The following CFAP46 variants were observed in gnomAD, a reference collection of about 807,000 sequenced individuals.
The protein encoded by CFAP46 is cilia- and flagella-associated protein 46.
CFAP46 carries 245 observed loss-of-function variants against 325.7 expected under a neutral mutation model. The ratio of observed to expected loss-of-function variants is 0.75; its 90% CI spans 0.68 to 0.84. The LOEUF is 0.84. CFAP46 is among the 40% of genes least tolerant of loss of function. CFAP46 has a pLI of 0.00. For missense variants in CFAP46, 3,346 were observed against 3,543.0 expected (o/e 0.94, Z 1.41); for synonymous variants, 1,523 against 1,495.9 (o/e 1.02, Z -0.42).
At chr10:132,844,776 A>ACC (rs1268166956) in intron 44 of CFAP46, among the ~76,000 whole-genome samples, 2 of 152,110 alleles carry the variant, frequency 1.3e-5, no homozygotes, top group African/African-American at 4.8e-5. Context: ...TGCCCAGCTC[A>ACC]CCCACAGCAG....
intron 19 of CFAP46, among the ~76,000 whole-genome samples, chr10:132,912,297 TC>T (rs573086087): frequency 0.37 from 35,870 of 97,876 alleles, 7,971 homozygotes; most frequent in Admixed American, 0.5. Flanking sequence ...CCTCTCTCTC[TC>T]CTCTCTTTCT....
At position 132,808,664 on chromosome 10, in the gene CFAP46, G is replaced by GGGGA. The variant is rs1430738600; in HGVS notation, c.7901_7904dup (p.Phe2636ProfsTer?). Reference sequence around the variant, plus strand: ...CAAGGGCTGGGGAGAGGCCCAGGAAGGGGAGAGCGAGCTGGGAGCTGGGGA... The same window carrying GGGGA: ...CAAGGGCTGGGGAGAGGCCCAGGAAGGGGAGGGAGAGCGAGCTGGGAGCTGGGGA... On this transcript the variant is annotated frameshift_variant, in exon 58 of 58. Coordinates refer to ENST00000368586, the MANE Select transcript of CFAP46 (RefSeq NM_001200049.3). LOFTEE classifies it low-confidence loss of function (END_TRUNC). The surrounding 1 kb of genome is among the most constrained non-coding windows in gnomAD (Gnocchi z 6.8). The GGGGA allele has an allele frequency of 1.3e-6, 2 of 1,588,982 alleles. No individual in the cohort carries two copies.
rs1419527167 is a variant in CFAP46 at position 132,822,649 on chromosome 10, G to C, written c.7118-7735C>G. 4.4e-5 allele frequency among the ~76,000 whole-genome samples: 6 copies of C among 135,636 alleles called. No homozygotes were observed. In the Admixed American group the frequency reaches 4.4e-4, roughly 10 times the overall value. The allele number at this position is 135,636 out of a possible 152,430, so 89.0% of individuals were successfully genotyped here. A position where few individuals can be genotyped will look rare whatever the true frequency, so the allele number is the denominator to read the frequency against. On this transcript the variant is annotated intron_variant, in intron 50 of 57. Transcript: ENST00000368586. Reference sequence around the variant, plus strand: ...TGCTGATGTGTGCTGTCTGTGCGCTGATGTGTGCTGTGTGTGCGCTTGTGT... The same window carrying C: ...TGCTGATGTGTGCTGTCTGTGCGCTCATGTGTGCTGTGTGTGCGCTTGTGT...
rs1848539462 is a variant in CFAP46 at position 132,851,285 on chromosome 10, G to A, written c.5595C>T (p.Pro1865=). The A allele has an allele frequency of 1.2e-6, 2 of 1,613,760 alleles. No homozygotes were observed. The highest frequency in any genetic ancestry group is 1.3e-5 in the African/African-American group (1 of 74,930). The change falls in exon 40 of 58, where the codon CCC becomes CCT. Residue 1865 remains proline, a synonymous_variant. Transcript: ENST00000368586. ...TGAGGCGCGCCAGCTTCCTCATCAGGGGCGTGTTGACGTTCTGCAACTGAG... is the reference window on the plus strand; with the variant it reads ...TGAGGCGCGCCAGCTTCCTCATCAGAGGCGTGTTGACGTTCTGCAACTGAG... ...SLQDLQNVNT[P]LMRKLARLKL...
chr10:132,929,646 T>A, intron 9 of CFAP46, 59 bp downstream of exon 9: 1 of 1,504,486 alleles, frequency 6.6e-7, no homozygotes. Context: ...TTGCCTTTTG[T>A]CCAACTGCAC....
chr10:132,862,202 G>A (rs1181934923), intron 35 of CFAP46, among the ~76,000 whole-genome samples: 1 of 152,202 alleles, frequency 6.6e-6, no homozygotes, highest in Non-Finnish European at 1.5e-5. Context: ...GCAGGGGGCT[G>A]CAGGCCTCTG....
At chr10:132,870,464 A>G (rs1358344502) in intron 32 of CFAP46, among the ~76,000 whole-genome samples, 1 of 152,188 alleles carries the variant, frequency 6.6e-6, no homozygotes, top group East Asian at 1.9e-4. Context: ...CAGTTAACCA[A>G]GCTGTAAGTG....
chr10:132,895,258 A>C (rs1444277725), intron 24 of CFAP46, among the ~76,000 whole-genome samples: 1 of 152,220 alleles, frequency 6.6e-6, no homozygotes, highest in Non-Finnish European at 1.5e-5. Context: ...GGCAAGACCC[A>C]CACTATTTCA....
chr10:132,817,567 A>T lies in CFAP46; in HGVS notation c.7118-2653T>A, dbSNP rs975045625. Reference sequence around the variant, plus strand: ...GGTAACCGGCCCCTTCGTCTTCCTCATTCATTCTTCCTTCTCTATTTGTTG... The same window carrying T: ...GGTAACCGGCCCCTTCGTCTTCCTCTTTCATTCTTCCTTCTCTATTTGTTG... On this transcript the variant is annotated intron_variant, in intron 50 of 57. Coordinates refer to ENST00000368586, the MANE Select transcript of CFAP46 (RefSeq NM_001200049.3). This position sits in a 1 kb window ranked among gnomAD's most constrained non-coding sequence, Gnocchi z 4.4. Among the ~76,000 whole-genome samples, 1 of 152,010 alleles carries T rather than the reference A, an allele frequency of 6.6e-6. No homozygotes were observed. Among genetic ancestry groups the T allele is most frequent in the African/African-American group, 2.4e-5 (1 of 41,370 alleles).
At chr10:132,893,486 G>A (rs1362818054) in intron 24 of CFAP46, among the ~76,000 whole-genome samples, 1 of 152,212 alleles carries the variant, frequency 6.6e-6, no homozygotes, top group South Asian at 2.1e-4. Flanking sequence ...GGTGGGAAGT[G>A]CACTGGCAGG....
chr10:132,865,961 C>T (rs73393224), intron 35 of CFAP46, 64 bp downstream of exon 35: 34,650 of 1,347,628 alleles, frequency 0.026, 1,292 homozygotes, highest in African/African-American at 0.17. Context: ...CCCGCAGTCC[C>T]TCCACTGTGC....
chr10:132,920,006 G>A (rs1849697200), intron 14 of CFAP46, 53 bp downstream of exon 14: 4 of 1,450,872 alleles, frequency 2.8e-6, no homozygotes, highest in Non-Finnish European at 3.6e-6. Flanking sequence ...CCCTCGGGCT[G>A]AGCGACCCCC....
rs73391257 is a variant in CFAP46 at position 132,847,516 on chromosome 10, G to A, written c.5953-195C>T. On this transcript the variant is annotated intron_variant, in intron 41 of 57. Coordinates refer to ENST00000368586, the MANE Select transcript of CFAP46 (RefSeq NM_001200049.3). The surrounding 1 kb of genome is among the most constrained non-coding windows in gnomAD (Gnocchi z 5.2). ...AGTTGATGCAGGGTGGCCCTGACCC[G>A]TGAGCCTGGGCAAGGGGACGCTGGA... Among the ~76,000 whole-genome samples, 10,521 of 152,088 alleles carry A rather than the reference G, an allele frequency of 0.069. 908 individuals are homozygous for A. Among genetic ancestry groups the A allele is most frequent in the African/African-American group, 0.2 (8,357 of 41,438 alleles).
At position 132,820,796 on chromosome 10, in the gene CFAP46, A is replaced by G. The variant is rs11146532; in HGVS notation, c.7118-5882T>C. 7.7e-3 allele frequency among the ~76,000 whole-genome samples: 808 copies of G among 104,400 alleles called. 20 individuals are homozygous for G. The highest frequency in any genetic ancestry group is 0.029 in the African/African-American group (704 of 24,574). 68.5% of individuals were successfully genotyped at this position (104,400 alleles called of 152,430 possible). A position where few individuals can be genotyped will look rare whatever the true frequency, so the allele number is the denominator to read the frequency against. On this transcript the variant is annotated intron_variant, in intron 50 of 57. Coordinates refer to ENST00000368586, the MANE Select transcript of CFAP46 (RefSeq NM_001200049.3). ...GTGCGCTGATGCGTGCTGTGTGAGCACTGATGTGTGCTGTGTGTGCTGATG... is the reference window on the plus strand; with the variant it reads ...GTGCGCTGATGCGTGCTGTGTGAGCGCTGATGTGTGCTGTGTGTGCTGATG...
Position 132,869,254 on chromosome 10 carries a change from C to A in CFAP46, c.4610+20G>T. 1.3e-6 allele frequency: 2 copies of A among 1,504,670 alleles called. No individual in the cohort carries two copies. Among genetic ancestry groups the A allele is most frequent in the Non-Finnish European group, 1.8e-6 (2 of 1,121,650 alleles). 93.2% of individuals were successfully genotyped at this position (1,504,670 alleles called of 1,614,324 possible). On this transcript the variant is annotated intron_variant, in intron 33 of 57. Coordinates refer to ENST00000368586, the MANE Select transcript of CFAP46 (RefSeq NM_001200049.3). The surrounding 1 kb of genome is among the most constrained non-coding windows in gnomAD (Gnocchi z 6.2). ...GGCGAGACTCAAACCCCAGGCGGCG[C>A]AGGGTGGGACGGCACACACCTGGCC...
Position 132,836,183 on chromosome 10 carries a change from T to C in CFAP46, c.6572A>G (p.Lys2191Arg), listed in dbSNP as rs1421576994. The C allele has an allele frequency of 1.2e-6, 2 of 1,609,606 alleles. No individual in the cohort carries two copies. Among genetic ancestry groups the C allele is most frequent in the South Asian group, 2.2e-5 (2 of 90,790 alleles). The change falls in exon 46 of 58, where the codon AAG becomes AGG. Residue 2191 changes from lysine to arginine, a missense_variant. Physicochemically the swap from Lys to Arg is conservative, Grantham distance 26. Coordinates refer to ENST00000368586, the MANE Select transcript of CFAP46 (RefSeq NM_001200049.3). ...CTTTCCTTTGGCTGCAGTAATGAAC[T>C]TGGGTTTCTCGTAGGCAGCGCCGTA... ...RLYGAAYEKP[K>R]FITAAKGKVQ...
At chr10:132,861,381 C>CG (rs1377487247) in intron 35 of CFAP46, among the ~76,000 whole-genome samples, 3 of 152,232 alleles carry the variant, frequency 2.0e-5, no homozygotes, top group Non-Finnish European at 2.9e-5. Flanking sequence ...GGCTGGTCTT[C>CG]GGGGGGATTT....
intron 50 of CFAP46, among the ~76,000 whole-genome samples, chr10:132,826,439 C>T (rs5027155): frequency 2.6e-4 from 17 of 66,576 alleles, no homozygotes; most frequent in African/African-American, 2.4e-4. Flanking sequence ...AGACCAGCCA[C>T]GGAGCCAGGC....
intron 33 of CFAP46, among the ~76,000 whole-genome samples, chr10:132,868,165 C>T (rs767905919): frequency 2.6e-5 from 4 of 152,260 alleles, no homozygotes; most frequent in South Asian, 2.1e-4. Context: ...CGGCCACGCG[C>T]GTTCCAAGTC....
Sources: allele counts gnomAD v4.1 joint callset (sites outside exome capture counted in the v4.1 genomes callset), GRCh38; gene constraint gnomAD v4.1.1; non-coding constraint Gnocchi (gnomAD v3.1); transcripts MANE v1.5; gene names NCBI Gene and HGNC (gene_info 2026-07-23, HGNC 2026-07-21).